Variants in ADAMTSL1 observed in about 807,000 individuals in gnomAD.
The protein encoded by ADAMTSL1 is ADAMTS-like protein 1.
In ADAMTSL1, 126 loss-of-function variants were observed where a neutral mutation model predicts 201.8. The observed-to-expected ratio is 0.62, with a 90% CI of 0.54 to 0.72. The LOEUF (loss-of-function observed/expected upper bound fraction) is 0.72, where lower values mean the gene tolerates loss of function less well. Among genes scored for constraint, ADAMTSL1 ranks in the 30% least tolerant of loss-of-function variants. The pLI is 0.00. For synonymous variants in ADAMTSL1, 1,121 were observed against 903.4 expected (o/e 1.24, Z -4.32); for missense variants, 2,679 against 2,277.8 (o/e 1.18, Z -3.59).
rs533934599 is a variant in ADAMTSL1, at chr9:18,368,049, G to A, written c.208-136780G>A. Among the ~76,000 whole-genome samples, 8 of 151,182 alleles carry A rather than the reference G, an allele frequency of 5.3e-5. No individual in the cohort carries two copies. The East Asian group carries it at 7.8e-4, about 15-fold the overall frequency. ...TGAGTAGCTGGGACTACAGGCGCCCGCCACCACGCCAGGCTAATTTTTTTT... is the reference window on the plus strand; with the variant it reads ...TGAGTAGCTGGGACTACAGGCGCCCACCACCACGCCAGGCTAATTTTTTTT... On this transcript the variant is annotated intron_variant, in intron 2 of 29. Coordinates refer to the ADAMTSL1 transcript ENST00000680146.
At chr9:18,544,609 C>G (rs1238641125) in intron 3 of ADAMTSL1, among the ~76,000 whole-genome samples, 1 of 152,122 alleles carries the variant, frequency 6.6e-6, no homozygotes, top group Non-Finnish European at 1.5e-5. Context: ...GCTGGCATTC[C>G]TGGCCTGAAG....
chr9:18,853,704 G>A (rs1826649283), intron 23 of ADAMTSL1, among the ~76,000 whole-genome samples: 1 of 152,178 alleles, frequency 6.6e-6, no homozygotes, highest in African/African-American at 2.4e-5. Flanking sequence ...CTGATTAATG[G>A]CAGTTTGGAG....
intron 23 of ADAMTSL1, among the ~76,000 whole-genome samples, chr9:18,850,016 T>C (rs1243828163): frequency 6.6e-6 from 1 of 152,092 alleles, no homozygotes; most frequent in Non-Finnish European, 1.5e-5. Context: ...TCCATAAATA[T>C]AAAAAGACAC....
At chr9:18,599,122 C>A (rs1248902085) in intron 4 of ADAMTSL1, among the ~76,000 whole-genome samples, 1 of 152,122 alleles carries the variant, frequency 6.6e-6, no homozygotes, top group Non-Finnish European at 1.5e-5. Context: ...GTTGATGCAC[C>A]CATCCATGCA....
intron 2 of ADAMTSL1, among the ~76,000 whole-genome samples, chr9:18,278,863 C>G (rs963026378): frequency 2.0e-5 from 3 of 151,542 alleles, no homozygotes; most frequent in Admixed American, 1.3e-4. Flanking sequence ...CTCTTTTTTC[C>G]CTTTTTATTC....
intron 1 of ADAMTSL1, among the ~76,000 whole-genome samples, chr9:18,006,774 C>G (rs1327997925): frequency 6.6e-6 from 1 of 151,990 alleles, no homozygotes; most frequent in Non-Finnish European, 1.5e-5. Context: ...GTTTTCTTAG[C>G]TGCATACTTA....
rs1049982399 is a variant in ADAMTSL1 at position 18,775,667 on chromosome 9, G to A, written c.2398-76G>A. The A allele has an allele frequency of 1.8e-5, 28 of 1,528,960 alleles. No individual in the cohort carries two copies. In the African/African-American group the frequency reaches 3.3e-4, roughly 18 times the overall value. 94.7% of individuals were successfully genotyped at this position (1,528,960 alleles called of 1,614,324 possible). On this transcript the variant is annotated intron_variant, in intron 17 of 28. Coordinates refer to ENST00000380548, the MANE Select transcript of ADAMTSL1 (RefSeq NM_001040272.6). Reference sequence around the variant, plus strand: ...CCAAGCAAATTTCTCATATTTTGATGAGTTTGACAGTCTATTAAAAAATTA... The same window carrying A: ...CCAAGCAAATTTCTCATATTTTGATAAGTTTGACAGTCTATTAAAAAATTA...
At chr9:18,585,375 A>G (rs1274355595) in intron 4 of ADAMTSL1, among the ~76,000 whole-genome samples, 1 of 152,222 alleles carries the variant, frequency 6.6e-6, no homozygotes, top group Non-Finnish European at 1.5e-5. Context: ...AAGGCAGAGC[A>G]AATCTAAAAT....
chr9:18,865,204 C>G (rs566623221), intron 23 of ADAMTSL1, among the ~76,000 whole-genome samples: 12 of 152,100 alleles, frequency 7.9e-5, no homozygotes, highest in African/African-American at 2.9e-4. Flanking sequence ...CCCCACCCCA[C>G]AATAGGCCCC....
intron 4 of ADAMTSL1, among the ~76,000 whole-genome samples, chr9:18,577,990 T>G (rs961220186): frequency 2.6e-5 from 4 of 151,294 alleles, no homozygotes; most frequent in African/African-American, 9.7e-5. Flanking sequence ...TTTTCTCTTT[T>G]TTTTTTTTTT....
chr9:18,243,414 T>C (rs943164632), intron 2 of ADAMTSL1, among the ~76,000 whole-genome samples: 3 of 152,106 alleles, frequency 2.0e-5, no homozygotes, highest in African/African-American at 4.8e-5. Context: ...CCCTGAAGAC[T>C]CTCAAAAATT....
chr9:18,072,023 T>A (rs937481536), intron 1 of ADAMTSL1, among the ~76,000 whole-genome samples: 2 of 152,208 alleles, frequency 1.3e-5, no homozygotes, highest in African/African-American at 4.8e-5. Flanking sequence ...CTAAGGCTCT[T>A]AGCTGTCCCT....
At chr9:18,555,195 T>C (rs1265325682) in intron 3 of ADAMTSL1, among the ~76,000 whole-genome samples, 4 of 151,962 alleles carry the variant, frequency 2.6e-5, no homozygotes, top group African/African-American at 9.6e-5. Flanking sequence ...TTCCACAACT[T>C]GCCGTTCATA....
intron 1 of ADAMTSL1, among the ~76,000 whole-genome samples, chr9:18,118,192 C>A (rs1825335727): frequency 1.3e-5 from 2 of 152,192 alleles, no homozygotes; most frequent in Admixed American, 1.3e-4. Flanking sequence ...AGAGCCGTAG[C>A]TTCTATTCAG....
chr9:17,919,230 T>A (rs939248507), intron 1 of ADAMTSL1, among the ~76,000 whole-genome samples: 1 of 151,808 alleles, frequency 6.6e-6, no homozygotes, highest in African/African-American at 2.4e-5. Flanking sequence ...AGTAGTACAT[T>A]ATTATTATTT....
chr9:18,488,158 G>A (rs1684576817), intron 1 of ADAMTSL1, among the ~76,000 whole-genome samples: 2 of 152,122 alleles, frequency 1.3e-5, no homozygotes, highest in Admixed American at 1.3e-4. Context: ...ATCTGATGTG[G>A]ATTATTCCCG....
intron 1 of ADAMTSL1, among the ~76,000 whole-genome samples, chr9:18,065,175 C>A (rs1234314963): frequency 6.6e-6 from 1 of 151,982 alleles, no homozygotes; most frequent in Non-Finnish European, 1.5e-5. Flanking sequence ...TGAAACCTGG[C>A]TCTATATACC....
chr9:18,498,150 A>G (rs773257408), intron 1 of ADAMTSL1, among the ~76,000 whole-genome samples: 1 of 152,082 alleles, frequency 6.6e-6, no homozygotes, highest in Non-Finnish European at 1.5e-5. Flanking sequence ...AAAGATACAG[A>G]CATAAAACTT....
At chr9:18,373,485 A>G (rs1016069129) in intron 2 of ADAMTSL1, among the ~76,000 whole-genome samples, 1 of 152,070 alleles carries the variant, frequency 6.6e-6, no homozygotes, top group Non-Finnish European at 1.5e-5. Flanking sequence ...CTAAGGTGGC[A>G]TCTGGATGCA....
Sources: gnomAD v4.1 joint callset for allele counts (sites outside exome capture counted in the v4.1 genomes callset) on GRCh38, gnomAD v4.1.1 for gene constraint, MANE v1.5 for transcripts, NCBI Gene and HGNC (gene_info 2026-07-23, HGNC 2026-07-21) for gene names.